Variants in PTCHD4 observed in about 807,000 individuals in gnomAD.
PTCHD4 encodes patched domain-containing protein 4.
A neutral mutation model predicts 58.1 loss-of-function variants in PTCHD4; 33 were observed. The observed-to-expected ratio is 0.57, with a 90% CI of 0.43 to 0.76. The LOEUF is 0.76. Among genes scored for constraint, PTCHD4 ranks in the 30% least tolerant of loss-of-function variants. The pLI, the probability that PTCHD4 is intolerant of heterozygous loss-of-function variation, is 0.00. For synonymous variants in PTCHD4, 478 were observed against 409.6 expected (o/e 1.17, Z -2.02); for missense variants, 1,058 against 1,027.1 (o/e 1.03, Z -0.41).
intron 3 of PTCHD4, among the ~76,000 whole-genome samples, chr6:48,031,369 T>C (rs1395362803): frequency 1.3e-5 from 2 of 152,142 alleles, no homozygotes; most frequent in South Asian, 2.1e-4. Flanking sequence ...CTTCTGCCCA[T>C]GTTGTACTCA....
At chr6:47,883,858 A>ATTTT (rs886518301) in intron 4 of PTCHD4, among the ~76,000 whole-genome samples, 64 of 152,316 alleles carry the variant, frequency 4.2e-4, no homozygotes, top group African/African-American at 1.5e-3. Context: ...TCAATTGAAA[A>ATTTT]TTATTGGTTT....
chr6:48,067,239 A>C (rs189964291), intron 3 of PTCHD4, among the ~76,000 whole-genome samples: 25 of 152,374 alleles, frequency 1.6e-4, no homozygotes, highest in African/African-American at 6.0e-4. Context: ...TTGACAGTGT[A>C]GAATGAGTTT....
chr6:48,110,079 C>G (rs1423616169), intron 1 of PTCHD4, among the ~76,000 whole-genome samples: 1 of 152,084 alleles, frequency 6.6e-6, no homozygotes, highest in Non-Finnish European at 1.5e-5. Flanking sequence ...ACAGAACTAC[C>G]ATATGATACA....
chr6:47,956,028 A>C (rs1328746940), intron 4 of PTCHD4, among the ~76,000 whole-genome samples: 2 of 152,212 alleles, frequency 1.3e-5, no homozygotes, highest in Non-Finnish European at 2.9e-5. Flanking sequence ...ACATCTAGGA[A>C]AGTATTTCTA....
chr6:47,997,586 A>G (rs1388797451), intron 4 of PTCHD4, among the ~76,000 whole-genome samples: 4 of 152,180 alleles, frequency 2.6e-5, no homozygotes, highest in African/African-American at 7.2e-5. Flanking sequence ...CATCTTCTTT[A>G]TATTAAACTC....
intron 4 of PTCHD4, among the ~76,000 whole-genome samples, chr6:47,950,178 G>C (rs1397674327): frequency 1.3e-5 from 2 of 151,940 alleles, no homozygotes; most frequent in Non-Finnish European, 1.5e-5. Context: ...ATGGTTTCCA[G>C]TTTCATCCAT....
chr6:47,901,058 G>C (rs1764679695), intron 4 of PTCHD4: 1 of 150,996 alleles, frequency 6.6e-6, no homozygotes, highest in African/African-American at 2.4e-5. Flanking sequence ...GGAGGCTGAG[G>C]CAGGAGAATG....
At chr6:47,976,848 T>A (rs1006543267) in intron 4 of PTCHD4, among the ~76,000 whole-genome samples, 6 of 152,122 alleles carry the variant, frequency 3.9e-5, no homozygotes, top group African/African-American at 2.4e-5. Flanking sequence ...TAAATTTAAA[T>A]GAAAATGCAA....
intron 3 of PTCHD4, among the ~76,000 whole-genome samples, chr6:48,022,745 C>A (rs1582036043): frequency 6.6e-6 from 1 of 152,034 alleles, no homozygotes; most frequent in East Asian, 1.9e-4. Context: ...CACCTCAATG[C>A]CTTTGGAAGG....
intron 3 of PTCHD4, among the ~76,000 whole-genome samples, chr6:48,016,478 G>A (rs776282038): frequency 1.3e-5 from 2 of 151,976 alleles, no homozygotes; most frequent in Non-Finnish European, 2.9e-5. Context: ...TAGTATTTCA[G>A]GTTCTTGATG....
chr6:47,912,221 C>A (rs1156492439), intron 4 of PTCHD4, among the ~76,000 whole-genome samples: 2 of 152,090 alleles, frequency 1.3e-5, no homozygotes, highest in Non-Finnish European at 2.9e-5. Context: ...ATCCTTCATG[C>A]AACTAGACAA....
In PTCHD4 at chr6:47,879,104, T is replaced by A. The variant is rs754041581; in HGVS notation, c.1731A>T (p.Leu577Phe). ...DFISVLQSSF[L>F]KKPEFQHFRN... ...GAAAATGCTGGAATTCTGGCTTTTT[T>A]AAAAATGAGCTTTGCAGGACACTGA... is the stretch of plus-strand genomic sequence containing the variant. Residue 577 changes from leucine (L) to phenylalanine (F), a missense_variant, in exon 5 of 5, where the codon TTA becomes TTT. Leu to Phe is a conservative substitution (Grantham distance 22, BLOSUM62 0). Transcript: ENST00000339488. The A allele has an allele frequency of 2.4e-5, 38 of 1,612,984 alleles. No individual in the cohort carries two copies. The highest frequency in any genetic ancestry group is 1.7e-4 in the Middle Eastern group (1 of 6,056).
chr6:48,065,965 T>C (rs1764781685), intron 3 of PTCHD4, among the ~76,000 whole-genome samples: 1 of 152,220 alleles, frequency 6.6e-6, no homozygotes, highest in South Asian at 2.1e-4. Flanking sequence ...CTAAGATGTA[T>C]ATCAACCACC....
intron 4 of PTCHD4, among the ~76,000 whole-genome samples, chr6:48,004,560 G>A (rs1470718935): frequency 1.3e-5 from 2 of 152,268 alleles, no homozygotes; most frequent in East Asian, 3.9e-4. Context: ...ATTCTCATTG[G>A]TATGTGCTTA....
rs1462239175 is a variant in PTCHD4 at position 47,863,077 on chromosome 6, G to A, written c.*15226C>T. ...ACAAAAAGATCTTCAAATTCTCTGGGCATTCATTGTACTTAACTTTTTACT... is the reference window on the plus strand; with the variant it reads ...ACAAAAAGATCTTCAAATTCTCTGGACATTCATTGTACTTAACTTTTTACT... On this transcript the variant is annotated 3_prime_UTR_variant, in exon 5 of 5. Transcript: ENST00000339488. Among the ~76,000 whole-genome samples, 1 of 151,722 alleles carries A rather than the reference G, an allele frequency of 6.6e-6. No individual in the cohort carries two copies. The highest frequency in any genetic ancestry group is 2.4e-5 in the African/African-American group (1 of 41,368).
At chr6:47,968,152 G>A (rs1034946764) in intron 4 of PTCHD4, among the ~76,000 whole-genome samples, 1 of 152,100 alleles carries the variant, frequency 6.6e-6, no homozygotes, top group Admixed American at 6.6e-5. Context: ...GGTCATTGCA[G>A]GGTTATTAAC....
chr6:48,058,160 C>T (rs1158214913), intron 3 of PTCHD4, among the ~76,000 whole-genome samples: 6 of 152,290 alleles, frequency 3.9e-5, no homozygotes, highest in African/African-American at 7.2e-5. Context: ...ATTTTTAAAG[C>T]TCCACTAATG....
At chr6:47,936,879 G>A (rs73736811) in intron 4 of PTCHD4, among the ~76,000 whole-genome samples, 19,461 of 152,158 alleles carry the variant, frequency 0.13, 1,358 homozygotes, top group African/African-American at 0.18. Context: ...ATCCAAAAAC[G>A]CTCCAGTCTT....
At chr6:47,930,926 T>A (rs917062458) in intron 4 of PTCHD4, among the ~76,000 whole-genome samples, 5 of 152,188 alleles carry the variant, frequency 3.3e-5, no homozygotes, top group African/African-American at 1.2e-4. Context: ...CCCAAGTAGC[T>A]GGGATTACAG....
Sources: gnomAD v4.1 joint callset for allele counts (sites outside exome capture counted in the v4.1 genomes callset) on GRCh38, gnomAD v4.1.1 for gene constraint, MANE v1.5 for transcripts, NCBI Gene and HGNC (gene_info 2026-07-23, HGNC 2026-07-21) for gene names.